GIPR: variants seen among roughly 807,000 people sequenced by gnomAD.
GIPR encodes the protein GIP-R.
GIPR carries 74 observed loss-of-function variants against 62.2 expected under a neutral mutation model. The ratio of observed to expected loss-of-function variants is 1.19; its 90% confidence interval spans 0.99 to 1.44. GIPR has a LOEUF of 1.44. Among genes scored for constraint, GIPR ranks in the 40% most tolerant of loss-of-function variants. The pLI, the probability that GIPR is intolerant of heterozygous loss-of-function variation, is 0.00. For synonymous variants in GIPR, 256 were observed against 262.2 expected (o/e 0.98, Z 0.23); for missense variants, 664 against 611.8 (o/e 1.09, Z -0.90).
chr19:45,674,644 C>T, intron 6 of GIPR, 38 bp from the exon 7 acceptor site: 1 of 1,609,780 alleles, frequency 6.2e-7, no homozygotes, highest in Non-Finnish European at 8.5e-7. Flanking sequence ...GAGGACAGCT[C>T]TCCAGGGGCC....
At chr19:45,675,598 C>G (rs891175971) in intron 7 of GIPR, among the ~76,000 whole-genome samples, 23 of 128,808 alleles carry the variant, frequency 1.8e-4, no homozygotes, top group Non-Finnish European at 9.9e-5. Context: ...AAAAAAAAGC[C>G]ATAGCGTGGC....
At chr19:45,669,958 G>C (rs1015807102) in intron 2 of GIPR, among the ~76,000 whole-genome samples, 2 of 151,264 alleles carry the variant, frequency 1.3e-5, no homozygotes, top group African/African-American at 2.4e-5. Flanking sequence ...CGGGGTGGGG[G>C]GGGGAGGCTT....
chr19:45,670,595 G>T, intron 2 of GIPR, 40 bp from the exon 3 acceptor site: 1 of 1,406,618 alleles, frequency 7.1e-7, no homozygotes, highest in Non-Finnish European at 1.0e-6. Context: ...CTGGGAGCGG[G>T]GGTCGGTCTG....
At position 45,683,393 on chromosome 19, in the gene GIPR, C is replaced by T. The variant is rs1967338475; in HGVS notation, c.*1458C>T. The T allele has an allele frequency of 6.6e-6, 1 of 152,066 alleles. No individual in the cohort carries two copies. Among genetic ancestry groups the T allele is most frequent in the African/African-American group, 2.4e-5 (1 of 41,378 alleles). 9.4% of individuals were successfully genotyped at this position (152,066 alleles called of 1,614,324 possible). Reference sequence around the variant, plus strand: ...TGCGGAGTGAGGACGCATATCCCCACTGTCCTTAGATGGGTGGCCCCTGGA... The same window carrying T: ...TGCGGAGTGAGGACGCATATCCCCATTGTCCTTAGATGGGTGGCCCCTGGA... On this transcript the variant is annotated 3_prime_UTR_variant, in exon 14 of 14. Transcript: ENST00000590918.
intron 2 of GIPR, 124 bp from the exon 3 acceptor site, chr19:45,670,511 A>G (rs1975476595): frequency 1.4e-5 from 9 of 649,374 alleles, no homozygotes; most frequent in Non-Finnish European, 1.9e-5. Context: ...CAAGCTACCC[A>G]AGACTCCCGA....
chr19:45,677,246 G>A lies in GIPR; in HGVS notation c.794-77G>A, dbSNP rs1966986841. On this transcript the variant is annotated intron_variant, in intron 8 of 13. Transcript: ENST00000590918. ...CCCACCCCGACAGAGGAATTCCGCG[G>A]GTCTTGGGCCTGGCGGGGCCCGTGA... 1.4e-5 allele frequency: 19 copies of A among 1,386,052 alleles called. 1 individual carries two copies. The South Asian group carries it at 2.0e-4, about 14-fold the overall frequency. 85.9% of individuals were successfully genotyped at this position (1,386,052 alleles called of 1,614,324 possible). A position where few individuals can be genotyped will look rare whatever the true frequency, so the allele number is the denominator to read the frequency against.
chr19:45,675,574 C>CAAAAAAA (rs35162445), intron 7 of GIPR, among the ~76,000 whole-genome samples: 2 of 48,644 alleles, frequency 4.1e-5, no homozygotes, highest in African/African-American at 9.0e-5. Context: ...GACTCCATCG[C>CAAAAAAA]AAAAAAAAAA....
intron 12 of GIPR, 115 bp downstream of exon 12, chr19:45,678,341 A>T: frequency 8.8e-7 from 1 of 1,140,728 alleles, no homozygotes; most frequent in Non-Finnish European, 1.3e-6. Flanking sequence ...GGAAGATGGG[A>T]TTTAGTTCGT....
chr19:45,677,190 G>C, intron 8 of GIPR, 82 bp downstream of exon 8: 2 of 1,490,950 alleles, frequency 1.3e-6, no homozygotes, highest in Non-Finnish European at 1.8e-6. Flanking sequence ...GGCCTCTGCG[G>C]GTCTCCTCCC....
At chr19:45,675,498 C>G (rs1276267032) in intron 7 of GIPR, 1 of 147,144 alleles carries the variant, frequency 6.8e-6, no homozygotes, top group Non-Finnish European at 1.5e-5. Context: ...TTGCTTGAAC[C>G]CAGGAGACAG....
chr19:45,682,091 G>A lies in GIPR; in HGVS notation c.*156G>A. 1 of 668,860 alleles carries A rather than the reference G, an allele frequency of 1.5e-6. No homozygotes were observed. The highest frequency in any genetic ancestry group is 2.7e-6 in the Non-Finnish European group (1 of 374,094). The allele number at this position is 668,860 out of a possible 1,614,324, so 41.4% of individuals were successfully genotyped here. A position where few individuals can be genotyped will look rare whatever the true frequency, so the allele number is the denominator to read the frequency against. ...GACAACTGAGTGGGGAAAACAGACC[G>A]TGAACACAAAACATCAAGTTCCACA... On this transcript the variant is annotated 3_prime_UTR_variant, in exon 14 of 14. Transcript: ENST00000590918.
intron 8 of GIPR, 39 bp downstream of exon 8, chr19:45,677,147 C>T (rs1398908567): frequency 6.2e-7 from 1 of 1,603,386 alleles, no homozygotes; most frequent in East Asian, 2.2e-5. Context: ...CCCAGCGCGC[C>T]TCTCCTCGGC....
At chr19:45,668,952 G>C (rs1310325112) in intron 1 of GIPR, among the ~76,000 whole-genome samples, 1 of 152,194 alleles carries the variant, frequency 6.6e-6, no homozygotes. Flanking sequence ...TGGGAGCTCG[G>C]ATGGGCGTTT....
At chr19:45,679,530 A>T (rs1298338646) in intron 12 of GIPR, among the ~76,000 whole-genome samples, 7 of 151,194 alleles carry the variant, frequency 4.6e-5, no homozygotes, top group Non-Finnish European at 1.0e-4. Context: ...AGATGGTGAG[A>T]TGTGCCTAGA....
intron 5 of GIPR, 136 bp from the exon 6 acceptor site, chr19:45,673,938 C>G (rs184650475): frequency 1.3e-5 from 10 of 750,740 alleles, no homozygotes; most frequent in South Asian, 1.3e-4. Context: ...CAGCCCTTCT[C>G]AAATAAGGGT....
chr19:45,677,101 CG>C lies in GIPR; in HGVS notation c.788del (p.Gly263AlafsTer13). ...GCCACTTCCGCTACTACCTGCTCCT[CG>C]GCTGGGGTGAGCTCCGATCCCGTCC... is the stretch of plus-strand genomic sequence containing the variant. ...EGHFRYYLLL[G>X]WGAPALFVIP... On this transcript the variant is annotated frameshift_variant, in exon 8 of 14. Transcript: ENST00000590918. LOFTEE classifies it high-confidence loss of function. 1.9e-6 allele frequency: 3 copies of C among 1,613,566 alleles called. No individual in the cohort carries two copies. The African/African-American group carries it at 4.0e-5, about 22-fold the overall frequency.
Position 45,677,746 on chromosome 19 carries a change from G to A in GIPR, c.891G>A (p.Trp297Ter). 1 of 1,613,688 alleles carries A rather than the reference G, an allele frequency of 6.2e-7. No homozygotes were observed. Among genetic ancestry groups the A allele is most frequent in the South Asian group, 1.1e-5 (1 of 91,068 alleles). ...WERNEVKAIWWIIRTPILMTI... is the reference protein window; with the variant it reads ...WERNEVKAIW ...GCAACGAAGTCAAGGCCATTTGGTG[G>A]ATTATACGGACCCCCATCCTCATGA... Residue 297 changes from tryptophan to a stop codon, truncating the protein, a stop_gained, in exon 10 of 14, where the codon TGG becomes TGA. Coordinates refer to ENST00000590918, the MANE Select transcript of GIPR (RefSeq NM_000164.4). LOFTEE classifies it high-confidence loss of function.
At chr19:45,671,418 C>T (rs747095164) in intron 4 of GIPR, 26 bp downstream of exon 4, 6 of 1,417,126 alleles carry the variant, frequency 4.2e-6, no homozygotes, top group African/African-American at 4.2e-5. Flanking sequence ...GGCCCGGAGC[C>T]CTCCCCAGAC....
chr19:45,670,584 C>A, intron 2 of GIPR, 51 bp from the exon 3 acceptor site: 1 of 1,310,426 alleles, frequency 7.6e-7, no homozygotes, highest in Non-Finnish European at 1.1e-6. Context: ...GACCTAGCAG[C>A]CTGGGAGCGG....
Sources: gnomAD v4.1 joint callset for allele counts (sites outside exome capture counted in the v4.1 genomes callset) on GRCh38, gnomAD v4.1.1 for gene constraint, MANE v1.5 for transcripts, NCBI Gene and HGNC (gene_info 2026-07-23, HGNC 2026-07-21) for gene names.